Variants in RMDN1 observed in about 807,000 individuals in gnomAD.
The protein encoded by RMDN1 is regulator of microtubule dynamics 1, also known as regulator of microtubule dynamics protein 1.
Under a neutral mutation model 48.9 loss-of-function variants are expected in RMDN1, and 48 were observed. The ratio of observed to expected loss-of-function variants is 0.98; its 90% CI spans 0.78 to 1.25. The LOEUF (loss-of-function observed/expected upper bound fraction) is 1.25, where lower values mean the gene tolerates loss of function less well. RMDN1 is among the 50% of genes most tolerant of loss of function. The pLI, the probability that RMDN1 is intolerant of heterozygous loss-of-function variation, is 0.00. For missense variants in RMDN1, 418 were observed against 373.4 expected (o/e 1.12, Z -0.98); for synonymous variants, 148 against 132.6 (o/e 1.12, Z -0.80).
chr8:86,479,037 C>A (rs974348714), intron 6 of RMDN1, 27 bp from the exon 7 acceptor site: 1 of 1,489,780 alleles, frequency 6.7e-7, no homozygotes, highest in African/African-American at 1.4e-5. Context: ...CAATTTTATA[C>A]ATTCAAATTG....
upstream of RMDN1, among the ~76,000 whole-genome samples, chr8:86,512,579 A>G (rs1017330048): frequency 3.3e-5 from 5 of 152,332 alleles, no homozygotes; most frequent in East Asian, 5.8e-4. Flanking sequence ...AAGTCCCTCT[A>G]TCACATCACC....
chr8:86,497,395 G>A (rs576552847), intron 2 of RMDN1, among the ~76,000 whole-genome samples: 6 of 152,296 alleles, frequency 3.9e-5, no homozygotes, highest in Admixed American at 2.6e-4. Flanking sequence ...TAGACTGCCA[G>A]CTGGATTAAT....
intron 5 of RMDN1, among the ~76,000 whole-genome samples, chr8:86,483,247 TA>T (rs943510508): frequency 1.3e-5 from 2 of 152,358 alleles, no homozygotes; most frequent in East Asian, 3.9e-4. Context: ...AAAGCTTATA[TA>T]AAACATTGTT....
At chr8:86,469,872 TATTC>T (rs2130241661), downstream of RMDN1, among the ~76,000 whole-genome samples, 1 of 152,358 alleles carries the variant, frequency 6.6e-6, no homozygotes, top group South Asian at 2.1e-4. Context: ...TATTTACTGG[TATTC>T]ATGGTAAATC....
At chr8:86,485,145 A>AT (rs1323837650) in intron 4 of RMDN1, among the ~76,000 whole-genome samples, 184 bp from the exon 5 acceptor site, 3 of 152,188 alleles carry the variant, frequency 2.0e-5, no homozygotes, top group Non-Finnish European at 2.9e-5. Flanking sequence ...AAACTCAGGA[A>AT]TAGGGTTGGG....
At chr8:86,492,651 TTAATAATAATAATAA>T (rs71574272) in intron 2 of RMDN1, among the ~76,000 whole-genome samples, 72 of 144,264 alleles carry the variant, frequency 5.0e-4, no homozygotes, top group East Asian at 1.8e-3. Context: ...AGACTCCGCC[TTAATAATAATAATAA>T]TAATAATAAT....
downstream of RMDN1, chr8:86,470,141 G>A (rs1285966337): frequency 1.6e-6 from 2 of 1,278,076 alleles, no homozygotes; most frequent in Non-Finnish European, 2.0e-6. Flanking sequence ...TCAAAAGGAA[G>A]GAAGGAAACA....
At position 86,473,168 on chromosome 8, in the gene RMDN1, T is replaced by C. The variant is rs1812811877; in HGVS notation, c.*1140A>G. The stretch of plus-strand genomic sequence containing the variant: ...TTCAGTTTTCCTTTTTGTTTGAAAA[T>C]GTACATGACAAACATATCCATACAG... On this transcript the variant is annotated 3_prime_UTR_variant, in exon 10 of 10. Transcript: ENST00000406452. 2.0e-6 allele frequency: 2 copies of C among 985,360 alleles called. No individual in the cohort carries two copies. The highest frequency in any genetic ancestry group is 1.1e-4 in the East Asian group (1 of 8,798). The allele number at this position is 985,360 out of a possible 1,614,324, so 61.0% of individuals were successfully genotyped here.
chr8:86,487,446 G>T (rs889967377), intron 3 of RMDN1, among the ~76,000 whole-genome samples: 1 of 152,046 alleles, frequency 6.6e-6, no homozygotes, highest in South Asian at 2.1e-4. Context: ...AAATTAGCCG[G>T]GTGTGGTGGC....
intron 2 of RMDN1, chr8:86,505,477 T>C (rs1292336359): frequency 9.8e-6 from 4 of 408,786 alleles, no homozygotes; most frequent in African/African-American, 2.0e-5. Context: ...CAGACGGGGT[T>C]TATGTAAGAG....
intron 2 of RMDN1, chr8:86,503,849 G>A: frequency 3.3e-6 from 2 of 599,578 alleles, no homozygotes; most frequent in Non-Finnish European, 6.3e-6. Flanking sequence ...TTTGACAGGT[G>A]CAATTCAATG....
At chr8:86,509,385 A>C (rs1052463793), upstream of RMDN1, among the ~76,000 whole-genome samples, 4 of 152,092 alleles carry the variant, frequency 2.6e-5, no homozygotes, top group Non-Finnish European at 5.9e-5. Flanking sequence ...AGTAAAATAA[A>C]ATTTCTTGCT....
intron 4 of RMDN1, 58 bp from the exon 5 acceptor site, chr8:86,485,019 G>A (rs1203261589): frequency 3.1e-6 from 3 of 955,008 alleles, no homozygotes; most frequent in East Asian, 2.6e-5. Flanking sequence ...TTCAATACAA[G>A]GTAAAACTGT....
chr8:86,504,680 C>T (rs953823564), intron 2 of RMDN1: 10 of 875,460 alleles, frequency 1.1e-5, no homozygotes, highest in Non-Finnish European at 1.8e-5. Context: ...TTGTCTTTAT[C>T]GGGGCTATCT....
At chr8:86,478,618 C>G (rs1310704869) in intron 7 of RMDN1, 1 of 304,308 alleles carries the variant, frequency 3.3e-6, no homozygotes, top group African/African-American at 2.2e-5. Context: ...TGCTGTATTT[C>G]TTGTTCTATT....
intron 2 of RMDN1, chr8:86,504,575 G>A (rs1057382639): frequency 3.5e-6 from 4 of 1,156,710 alleles, no homozygotes; most frequent in Admixed American, 3.4e-5. Flanking sequence ...AGGGCAGGAA[G>A]GCGGACCCTG....
intron 2 of RMDN1, among the ~76,000 whole-genome samples, chr8:86,498,245 A>C (rs1817680909): frequency 6.8e-6 from 1 of 147,994 alleles, no homozygotes; most frequent in Non-Finnish European, 1.5e-5. Flanking sequence ...AAGTTCGAAA[A>C]TTGAATCAGT....
chr8:86,483,268 C>G (rs1379754245), intron 5 of RMDN1, among the ~76,000 whole-genome samples: 1 of 151,986 alleles, frequency 6.6e-6, no homozygotes, highest in Non-Finnish European at 1.5e-5. Context: ...TTTTTATAAT[C>G]TATAACCTTC....
chr8:86,478,865 G>T, intron 7 of RMDN1, 58 bp downstream of exon 7: 1 of 1,343,422 alleles, frequency 7.4e-7, no homozygotes, highest in Non-Finnish European at 1.1e-6. Flanking sequence ...TGAACACATG[G>T]TAGAATGGCG....
Sources: gnomAD v4.1 joint callset for allele counts (sites outside exome capture counted in the v4.1 genomes callset) on GRCh38, gnomAD v4.1.1 for gene constraint, MANE v1.5 for transcripts, NCBI Gene and HGNC (gene_info 2026-07-23, HGNC 2026-07-21) for gene names.